TMEM38A: variants seen among roughly 807,000 people sequenced by gnomAD.
TMEM38A encodes the protein transmembrane protein 38A.
TMEM38A carries 17 observed loss-of-function variants against 28.6 expected under a neutral mutation model. That is an observed-to-expected ratio of 0.60 (90% CI 0.41 to 0.89). TMEM38A has a LOEUF of 0.89. Ranked by LOEUF, TMEM38A falls within the 40% of genes least tolerant of loss-of-function variation. TMEM38A has a pLI of 0.00. For synonymous variants in TMEM38A, 169 were observed against 166.1 expected (o/e 1.02, Z -0.14); for missense variants, 328 against 393.1 (o/e 0.83, Z 1.40).
chr19:16,673,442 T>A (rs2086736143), intron 1 of TMEM38A, among the ~76,000 whole-genome samples: 1 of 152,196 alleles, frequency 6.6e-6, no homozygotes, highest in African/African-American at 2.4e-5. Flanking sequence ...ACTAAGAGAC[T>A]GTTGATTTCA....
chr19:16,667,704 C>G (rs1018972782), intron 1 of TMEM38A, among the ~76,000 whole-genome samples: 1 of 151,086 alleles, frequency 6.6e-6, no homozygotes, highest in African/African-American at 2.4e-5. Context: ...AGAAAAAATA[C>G]AAAAATTAGC....
At chr19:16,679,164 G>GT (rs2086766464) in intron 1 of TMEM38A, among the ~76,000 whole-genome samples, 2 of 76,040 alleles carry the variant, frequency 2.6e-5, no homozygotes, top group East Asian at 3.9e-4. Flanking sequence ...AACAAAAAAA[G>GT]TTAAAAAAAA....
intron 1 of TMEM38A, among the ~76,000 whole-genome samples, chr19:16,670,784 C>A (rs2086723885): frequency 6.6e-6 from 1 of 152,068 alleles, no homozygotes; most frequent in South Asian, 2.1e-4. Flanking sequence ...ACTAAAAATA[C>A]AAAAGTTAGC....
chr19:16,680,017 C>T lies in TMEM38A; in HGVS notation c.158C>T (p.Ala53Val), dbSNP rs778995490. Residue 53 changes from alanine to valine, a missense_variant, in exon 2 of 6, where the codon GCG (alanine) becomes GTG (valine). Ala to Val is a moderately conservative substitution (Grantham distance 64, BLOSUM62 0). Transcript: ENST00000187762. The part of the protein sequence containing the change: ...AVELSRRHPI[A>V]SWLCAMLHCF... The stretch of plus-strand genomic sequence containing the variant: ...GAACTGTCCCGGCGCCACCCCATCG[C>T]GTCCTGGCTGTGCGCCATGCTGCAT... 48 of 1,609,712 alleles carry T rather than the reference C, an allele frequency of 3.0e-5. No homozygotes were observed. Among genetic ancestry groups the T allele is most frequent in the South Asian group, 3.3e-5 (3 of 91,084 alleles).
intron 4 of TMEM38A, among the ~76,000 whole-genome samples, chr19:16,683,970 C>A (rs57180834): frequency 0.42 from 55,112 of 132,762 alleles, 15,057 homozygotes; most frequent in African/African-American, 0.79. Flanking sequence ...AATTCCATCT[C>A]AAAAAAAAAA....
At chr19:16,672,446 A>ATTTTT (rs746189021) in intron 1 of TMEM38A, among the ~76,000 whole-genome samples, 3,183 of 104,880 alleles carry the variant, frequency 0.03, 376 homozygotes, top group African/African-American at 0.1. Flanking sequence ...AAAAAACCTC[A>ATTTTT]TTTTTTTTTT....
chr19:16,665,489 CA>C (rs57211418), intron 1 of TMEM38A, among the ~76,000 whole-genome samples: 17 of 138,532 alleles, frequency 1.2e-4, no homozygotes, highest in South Asian at 2.7e-4. Flanking sequence ...GACCCTGTCT[CA>C]AAAAAAAAAG....
In TMEM38A at chr19:16,661,384, C is replaced by T; in HGVS notation, c.124+43C>T. 7 of 1,465,796 alleles carry T rather than the reference C, an allele frequency of 4.8e-6. No homozygotes were observed. The highest frequency in any genetic ancestry group is 2.8e-5 in the East Asian group (1 of 35,646). 90.8% of individuals were successfully genotyped at this position (1,465,796 alleles called of 1,614,324 possible). ...GCTGGAGGGGACCGGCAGCGGGTGGCGCGGGCCGGGGCAGCTCGGGGGTCG... is the reference window on the plus strand; with the variant it reads ...GCTGGAGGGGACCGGCAGCGGGTGGTGCGGGCCGGGGCAGCTCGGGGGTCG... On this transcript the variant is annotated intron_variant, in intron 1 of 5. Coordinates refer to ENST00000187762, the MANE Select transcript of TMEM38A (RefSeq NM_024074.4). This position sits in a 1 kb window ranked among gnomAD's most constrained non-coding sequence, Gnocchi z 6.5.
Position 16,688,380 on chromosome 19 carries a change from C to T in TMEM38A, c.*9C>T. On this transcript the variant is annotated 3_prime_UTR_variant, in exon 6 of 6. Transcript: ENST00000187762. ...CCAAGAAGGCGGATTAGGGGGTGGC[C>T]CAAGGGGCACCGGGGAGAGGACCCG... The T allele has an allele frequency of 1.3e-6, 2 of 1,555,320 alleles. No individual in the cohort carries two copies. Among genetic ancestry groups the T allele is most frequent in the South Asian group, 1.2e-5 (1 of 83,720 alleles).
intron 1 of TMEM38A, among the ~76,000 whole-genome samples, chr19:16,663,368 T>A (rs2086690344): frequency 6.6e-6 from 1 of 151,870 alleles, no homozygotes; most frequent in Non-Finnish European, 1.5e-5. Flanking sequence ...GTCTCCAAGC[T>A]GCCTGGGAAC....
chr19:16,680,253 T>C (rs928280567), intron 2 of TMEM38A, 113 bp downstream of exon 2: 1 of 1,490,834 alleles, frequency 6.7e-7, no homozygotes, highest in African/African-American at 1.4e-5. Flanking sequence ...GCCCTCATGA[T>C]GGCCCTGAAT....
chr19:16,679,946 A>C lies in TMEM38A; in HGVS notation c.125-38A>C, dbSNP rs914149234. ...TATGGGAGTGAAGCCTGCCCTTGGC[A>C]TGCTGGTGATGATGGGGGACACTCC... On this transcript the variant is annotated intron_variant, in intron 1 of 5. Transcript: ENST00000187762. 7 of 1,560,644 alleles carry C rather than the reference A, an allele frequency of 4.5e-6. No individual in the cohort carries two copies. The African/African-American group carries it at 8.1e-5, about 18-fold the overall frequency.
chr19:16,682,364 C>A, intron 3 of TMEM38A, 57 bp from the exon 4 acceptor site: 2 of 1,434,798 alleles, frequency 1.4e-6, no homozygotes, highest in Non-Finnish European at 2.0e-6. Flanking sequence ...GGAATTCAAA[C>A]AAGAGGAAAG....
At chr19:16,680,782 G>T in intron 3 of TMEM38A, 2 of 580,732 alleles carry the variant, frequency 3.4e-6, no homozygotes, top group Non-Finnish European at 6.1e-6. Context: ...TTACTGTCAG[G>T]GGTACCTAAG....
intron 1 of TMEM38A, 131 bp from the exon 2 acceptor site, chr19:16,679,853 T>C: frequency 2.1e-6 from 2 of 971,112 alleles, no homozygotes; most frequent in South Asian, 2.1e-5. Context: ...CCTTGGTTCC[T>C]CCTCTGAAAC....
At chr19:16,673,855 A>C (rs1172273897) in intron 1 of TMEM38A, among the ~76,000 whole-genome samples, 1 of 152,080 alleles carries the variant, frequency 6.6e-6, no homozygotes, top group Non-Finnish European at 1.5e-5. Flanking sequence ...TGGGAGGCCA[A>C]GGCAGGAGGA....
In TMEM38A at chr19:16,661,193, C is replaced by A. The variant is rs746664188; in HGVS notation, c.-25C>A. On this transcript the variant is annotated 5_prime_UTR_variant, in exon 1 of 6. Transcript: ENST00000187762. The surrounding 1 kb of genome is among the most constrained non-coding windows in gnomAD (Gnocchi z 6.5). ...GACGAGGCCGGGGCCCCGGGTGGCA[C>A]CCGGCAGGCGGGCAGGCGGGCGCCA... is the stretch of plus-strand genomic sequence containing the variant. 8.4e-5 allele frequency: 115 copies of A among 1,365,062 alleles called. 1 individual carries two copies. The East Asian group carries it at 3.5e-3, about 41-fold the overall frequency. The allele number at this position is 1,365,062 out of a possible 1,614,324, so 84.6% of individuals were successfully genotyped here.
At chr19:16,687,546 A>G (rs181753172) in intron 5 of TMEM38A, among the ~76,000 whole-genome samples, 25 of 152,190 alleles carry the variant, frequency 1.6e-4, no homozygotes, top group Admixed American at 1.2e-3. Context: ...GAAGAAATGT[A>G]TTTCTTACAG....
chr19:16,687,079 G>A (rs892790508), intron 5 of TMEM38A, among the ~76,000 whole-genome samples: 2 of 152,136 alleles, frequency 1.3e-5, no homozygotes, highest in Non-Finnish European at 2.9e-5. Context: ...GGGGGCTCAT[G>A]CCAACACTTC....
Sources: allele counts gnomAD v4.1 joint callset (sites outside exome capture counted in the v4.1 genomes callset), GRCh38; gene constraint gnomAD v4.1.1; non-coding constraint Gnocchi (gnomAD v3.1); transcripts MANE v1.5; gene names NCBI Gene and HGNC (gene_info 2026-07-23, HGNC 2026-07-21).